IMMP2L: variants seen among roughly 807,000 people sequenced by gnomAD.
The protein encoded by IMMP2L is mitochondrial inner membrane protease subunit 2.
A neutral mutation model predicts 19.3 loss-of-function variants in IMMP2L; 18 were observed. That is an observed-to-expected ratio of 0.93 (90% CI 0.64 to 1.38). IMMP2L has a LOEUF of 1.38. Among genes scored for constraint, IMMP2L ranks in the 40% most tolerant of loss-of-function variants. The pLI is 0.00. For missense variants in IMMP2L, 233 were observed against 218.2 expected (o/e 1.07, Z -0.43); for synonymous variants, 76 against 73.0 (o/e 1.04, Z -0.21).
intron 3 of IMMP2L, among the ~76,000 whole-genome samples, chr7:111,049,339 T>A (rs964525369): frequency 6.6e-6 from 1 of 151,600 alleles, no homozygotes; most frequent in Non-Finnish European, 1.5e-5. Flanking sequence ...CACTGTGTTA[T>A]CCAGGATGGT....
At chr7:111,496,923 T>TAGAC (rs1015444380) in intron 2 of IMMP2L, among the ~76,000 whole-genome samples, 2 of 151,062 alleles carry the variant, frequency 1.3e-5, no homozygotes, top group African/African-American at 2.5e-5. Flanking sequence ...GATAGATAGA[T>TAGAC]AGACAGACAG....
At chr7:110,672,678 C>G (rs564398106) in intron 5 of IMMP2L, among the ~76,000 whole-genome samples, 1 of 152,270 alleles carries the variant, frequency 6.6e-6, no homozygotes, top group South Asian at 2.1e-4. Flanking sequence ...CTGGACAATA[C>G]AAAGGGACTA....
chr7:111,009,425 T>C lies in IMMP2L; in HGVS notation c.240-45860A>G, dbSNP rs139562806. Reference sequence around the variant, plus strand: ...GATCTTAACAATTTCTCTAAGACCATAAATTCTGTGAGGGCAGAAATTGTA... The same window carrying C: ...GATCTTAACAATTTCTCTAAGACCACAAATTCTGTGAGGGCAGAAATTGTA... On this transcript the variant is annotated intron_variant, in intron 3 of 5. Coordinates refer to ENST00000405709, the MANE Select transcript of IMMP2L (RefSeq NM_032549.4). Among the ~76,000 whole-genome samples the C allele has an allele frequency of 4.2e-3, 642 of 152,176 alleles. 3 individuals carry two copies. Among genetic ancestry groups the C allele is most frequent in the African/African-American group, 0.015 (607 of 41,542 alleles).
intron 3 of IMMP2L, among the ~76,000 whole-genome samples, chr7:111,144,979 A>G (rs2129599998): frequency 6.6e-6 from 1 of 152,238 alleles, no homozygotes. Flanking sequence ...CTCTGAGAAG[A>G]TATTGTCTAA....
intron 3 of IMMP2L, among the ~76,000 whole-genome samples, chr7:110,990,875 G>A (rs1822380991): frequency 6.6e-6 from 1 of 152,044 alleles, no homozygotes; most frequent in Admixed American, 6.6e-5. Context: ...CCTCAACAAT[G>A]GCAAAATCTG....
Position 110,671,836 on chromosome 7 carries a change from A to G in IMMP2L, c.409-8115T>C, listed in dbSNP as rs201481476. ...GTTGGGATAGAGGAAAAAACACAGG[A>G]AAGAAAATCAGGAAGAACAAGACTG... is the stretch of plus-strand genomic sequence containing the variant. On this transcript the variant is annotated intron_variant, in intron 5 of 5. Coordinates refer to ENST00000405709, the MANE Select transcript of IMMP2L (RefSeq NM_032549.4). 2.6e-3 allele frequency among the ~76,000 whole-genome samples: 398 copies of G among 152,296 alleles called. 2 individuals carry two copies. The highest frequency in any genetic ancestry group is 4.7e-3 in the Non-Finnish European group (318 of 68,028).
intron 3 of IMMP2L, among the ~76,000 whole-genome samples, chr7:110,973,257 T>C (rs1252168372): frequency 6.6e-6 from 1 of 152,144 alleles, no homozygotes; most frequent in Non-Finnish European, 1.5e-5. Context: ...TGTGTGCATA[T>C]GTCAAATCAT....
intron 3 of IMMP2L, among the ~76,000 whole-genome samples, chr7:111,046,358 T>C (rs1792394451): frequency 6.6e-6 from 1 of 150,720 alleles, no homozygotes; most frequent in Admixed American, 6.6e-5. Flanking sequence ...ATGAGGGAGA[T>C]ATTGAGAAGC....
At chr7:111,107,818 G>A (rs1321287797) in intron 3 of IMMP2L, among the ~76,000 whole-genome samples, 2 of 152,066 alleles carry the variant, frequency 1.3e-5, no homozygotes, top group Non-Finnish European at 2.9e-5. Context: ...TCTTGGTCAA[G>A]CTGTAGTATT....
At chr7:110,668,105 GT>G (rs1044184023) in intron 5 of IMMP2L, among the ~76,000 whole-genome samples, 13 of 148,936 alleles carry the variant, frequency 8.7e-5, no homozygotes, top group South Asian at 4.2e-4. Flanking sequence ...TGAAGTCTGT[GT>G]TTTTTTTTTA....
chr7:110,848,894 T>A (rs2131510629), intron 5 of IMMP2L, among the ~76,000 whole-genome samples: 2 of 152,212 alleles, frequency 1.3e-5, no homozygotes, highest in South Asian at 4.1e-4. Flanking sequence ...AGTAAAAAGA[T>A]CAGTGGTTGC....
chr7:111,014,837 A>G (rs764080611), intron 3 of IMMP2L, among the ~76,000 whole-genome samples: 4 of 152,208 alleles, frequency 2.6e-5, no homozygotes, highest in Non-Finnish European at 4.4e-5. Flanking sequence ...TCAAAACCAC[A>G]GTGAGATATC....
intron 3 of IMMP2L, among the ~76,000 whole-genome samples, chr7:111,353,637 G>GA (rs1181450686): frequency 6.6e-6 from 1 of 152,028 alleles, no homozygotes; most frequent in Non-Finnish European, 1.5e-5. Context: ...ACTCTTCTCT[G>GA]AAAAAACATT....
At chr7:111,004,712 T>C (rs1288155095) in intron 3 of IMMP2L, among the ~76,000 whole-genome samples, 1 of 152,110 alleles carries the variant, frequency 6.6e-6, no homozygotes, top group African/African-American at 2.4e-5. Flanking sequence ...AGCTGTCCAG[T>C]TTCTATATGA....
At chr7:110,698,428 T>C (rs1455186492) in intron 5 of IMMP2L, among the ~76,000 whole-genome samples, 1 of 152,166 alleles carries the variant, frequency 6.6e-6, no homozygotes, top group Non-Finnish European at 1.5e-5. Context: ...ATGAGCCTTA[T>C]TATTTCATTG....
At chr7:111,540,202 A>G (rs1848391997) in intron 1 of IMMP2L, among the ~76,000 whole-genome samples, 1 of 152,214 alleles carries the variant, frequency 6.6e-6, no homozygotes, top group Admixed American at 6.5e-5. Flanking sequence ...TTCGCAATCT[A>G]GAAACAACAG....
intron 3 of IMMP2L, among the ~76,000 whole-genome samples, chr7:111,237,033 C>T (rs1462883758): frequency 1.3e-5 from 2 of 152,048 alleles, no homozygotes; most frequent in Non-Finnish European, 2.9e-5. Flanking sequence ...GAACTTACAA[C>T]AGTGACGTTT....
chr7:111,384,204 A>T, intron 3 of IMMP2L, among the ~76,000 whole-genome samples: 1 of 150,794 alleles, frequency 6.6e-6, no homozygotes, highest in African/African-American at 2.5e-5. Flanking sequence ...AGGAGAAAGG[A>T]GAGAAGAGAG....
chr7:110,795,651 A>G (rs1417637957), intron 5 of IMMP2L, among the ~76,000 whole-genome samples: 2 of 152,084 alleles, frequency 1.3e-5, no homozygotes, highest in Admixed American at 6.6e-5. Context: ...TGCACAGTCA[A>G]TCTGGGATTC....
Sources: allele counts gnomAD v4.1 joint callset (sites outside exome capture counted in the v4.1 genomes callset), GRCh38; gene constraint gnomAD v4.1.1; transcripts MANE v1.5; gene names NCBI Gene and HGNC (gene_info 2026-07-23, HGNC 2026-07-21).